TMEM120B: variants seen among roughly 807,000 people sequenced by gnomAD.
The protein encoded by TMEM120B is transmembrane protein 120B.
Under a neutral mutation model 55.5 loss-of-function variants are expected in TMEM120B, and 31 were observed. That is an observed-to-expected ratio of 0.56 (90% CI 0.42 to 0.75). The LOEUF is 0.75. Ranked by LOEUF, TMEM120B falls within the 30% of genes least tolerant of loss-of-function variation. The pLI is 0.00. For missense variants in TMEM120B, 399 were observed against 425.5 expected, an observed-to-expected ratio of 0.94 and a Z score of 0.55; for synonymous variants, 203 against 176.3, an observed-to-expected ratio of 1.15 and a Z score of -1.20.
intron 5 of TMEM120B, among the ~76,000 whole-genome samples, chr12:121,757,083 C>T (rs1352488652): frequency 1.3e-5 from 2 of 151,196 alleles, no homozygotes; most frequent in African/African-American, 4.9e-5. Context: ...CAGAGGTCAA[C>T]ATGACTTGAA....
rs1180954284 is a variant in TMEM120B at position 121,776,037 on chromosome 12, C to A, written c.*315C>A. The A allele has an allele frequency of 1.7e-6, 1 of 582,102 alleles. No homozygotes were observed. Among genetic ancestry groups the A allele is most frequent in the East Asian group, 2.9e-5 (1 of 34,966 alleles). 36.1% of individuals were successfully genotyped at this position (582,102 alleles called of 1,614,324 possible). A position where few individuals can be genotyped will look rare whatever the true frequency, so the allele number is the denominator to read the frequency against. ...TGAAGCCTCAGGGAGCCCCTCTGTTCCCACTCCTGTCATTTGAACCCCTCT... is the reference window on the plus strand; with the variant it reads ...TGAAGCCTCAGGGAGCCCCTCTGTTACCACTCCTGTCATTTGAACCCCTCT... On this transcript the variant is annotated 3_prime_UTR_variant, in exon 12 of 12. Coordinates refer to ENST00000449592, the MANE Select transcript of TMEM120B (RefSeq NM_001080825.2).
Position 121,780,597 on chromosome 12 carries a change from C to T in TMEM120B, c.*4875C>T. On this transcript the variant is annotated 3_prime_UTR_variant, in exon 12 of 12. Transcript: ENST00000449592. ...GCTCCACTTCTCGCTAGCTGTGTGG[C>T]CCTGGGCAAGCTGCTTAACCTCTCT... 1.9e-6 allele frequency: 1 copy of T among 539,250 alleles called. No individual in the cohort carries two copies. Among genetic ancestry groups the T allele is most frequent in the Admixed American group, 3.7e-5 (1 of 27,324 alleles). 33.4% of individuals were successfully genotyped at this position (539,250 alleles called of 1,614,324 possible).
Position 121,780,723 on chromosome 12 carries a change from G to A in TMEM120B, c.*5001G>A. On this transcript the variant is annotated 3_prime_UTR_variant, in exon 12 of 12. Transcript: ENST00000449592. ...TCGTGTAAAGTGCTCAGGTCCACAG[G>A]CCATCAATACTAATAGTTAAAAATT... The A allele has an allele frequency of 1.1e-6, 1 of 889,204 alleles. No homozygotes were observed. The highest frequency in any genetic ancestry group is 2.7e-5 in the East Asian group (1 of 37,516). The allele number at this position is 889,204 out of a possible 1,614,324, so 55.1% of individuals were successfully genotyped here. A position where few individuals can be genotyped will look rare whatever the true frequency, so the allele number is the denominator to read the frequency against.
At chr12:121,771,632 T>C (rs1874056552) in intron 8 of TMEM120B, 83 bp downstream of exon 8, 10 of 1,373,302 alleles carry the variant, frequency 7.3e-6, no homozygotes, top group Non-Finnish European at 1.0e-5. Flanking sequence ...CTGACATCAA[T>C]CAGTGCTTGC....
intron 2 of TMEM120B, 69 bp from the exon 3 acceptor site, chr12:121,748,257 C>T (rs1394995333): frequency 8.1e-7 from 1 of 1,229,278 alleles, no homozygotes; most frequent in African/African-American, 1.5e-5. Flanking sequence ...AGGCTGGGGC[C>T]CGGGGAGTCC....
At chr12:121,759,095 C>T in intron 5 of TMEM120B, 1 of 907,752 alleles carries the variant, frequency 1.1e-6, no homozygotes, top group Non-Finnish European at 1.3e-6. Context: ...CTGCAGACAA[C>T]CTAAAATAGA....
At chr12:121,748,978 C>T (rs1352474505) in intron 3 of TMEM120B, among the ~76,000 whole-genome samples, 1 of 152,178 alleles carries the variant, frequency 6.6e-6, no homozygotes, top group Non-Finnish European at 1.5e-5. Flanking sequence ...TAAGTGATGT[C>T]ATTGCCACCT....
chr12:121,761,087 T>A (rs1211056514), intron 5 of TMEM120B, among the ~76,000 whole-genome samples: 1 of 152,062 alleles, frequency 6.6e-6, no homozygotes, highest in African/African-American at 2.4e-5. Flanking sequence ...CAAGCAATTC[T>A]CCTACCTCAG....
At chr12:121,755,222 T>A (rs1592940614) in intron 5 of TMEM120B, among the ~76,000 whole-genome samples, 1 of 152,336 alleles carries the variant, frequency 6.6e-6, no homozygotes, top group South Asian at 2.1e-4. Context: ...TTGGTACCAC[T>A]AAGCCTGCAG....
chr12:121,769,628 G>C (rs1197389310), intron 6 of TMEM120B, among the ~76,000 whole-genome samples: 1 of 152,160 alleles, frequency 6.6e-6, no homozygotes, highest in Non-Finnish European at 1.5e-5. Flanking sequence ...TGCTTGACCT[G>C]GGAGGTCAGG....
At chr12:121,717,899 G>T (rs1435927397) in intron 1 of TMEM120B, among the ~76,000 whole-genome samples, 1 of 151,984 alleles carries the variant, frequency 6.6e-6, no homozygotes, top group Non-Finnish European at 1.5e-5. Flanking sequence ...CTTGTGATCC[G>T]CCTGCCTCAG....
Position 121,779,475 on chromosome 12 carries a change from T to G in TMEM120B, c.*3753T>G, listed in dbSNP as rs972728309. The G allele has an allele frequency of 6.2e-7, 1 of 1,608,078 alleles. No homozygotes were observed. Among genetic ancestry groups the G allele is most frequent in the Non-Finnish European group, 8.5e-7 (1 of 1,179,338 alleles). On this transcript the variant is annotated 3_prime_UTR_variant, in exon 12 of 12. Coordinates refer to ENST00000449592, the MANE Select transcript of TMEM120B (RefSeq NM_001080825.2). Reference sequence around the variant, plus strand: ...GGGCCCCCGGGCCCTGTCAGTGCTGTCGTGAGGTCTGTCTGCCCTGGGTCA... The same window carrying G: ...GGGCCCCCGGGCCCTGTCAGTGCTGGCGTGAGGTCTGTCTGCCCTGGGTCA...
At chr12:121,718,554 A>T (rs1894742698) in intron 1 of TMEM120B, among the ~76,000 whole-genome samples, 1 of 152,072 alleles carries the variant, frequency 6.6e-6, no homozygotes, top group African/African-American at 2.4e-5. Context: ...TGTTTTTTAG[A>T]TGAGGAGATT....
intron 5 of TMEM120B, among the ~76,000 whole-genome samples, chr12:121,753,718 GAGAAAA>G (rs1219460135): frequency 6.6e-6 from 1 of 151,432 alleles, no homozygotes; most frequent in African/African-American, 2.4e-5. Context: ...AAAAAAAAAA[GAGAAAA>G]AGAGAAAAGA....
intron 1 of TMEM120B, among the ~76,000 whole-genome samples, chr12:121,715,222 A>C (rs1368707402): frequency 6.6e-6 from 1 of 152,030 alleles, no homozygotes; most frequent in Non-Finnish European, 1.5e-5. Flanking sequence ...ATAATCCCAG[A>C]TCCTCGAGTG....
intron 6 of TMEM120B, among the ~76,000 whole-genome samples, chr12:121,762,062 G>A (rs138781129): frequency 4.4e-4 from 67 of 152,258 alleles, no homozygotes; most frequent in African/African-American, 1.4e-3. Flanking sequence ...GGAGGCCGAG[G>A]GGGGCAGATC....
At chr12:121,715,485 G>A (rs1250504307) in intron 1 of TMEM120B, among the ~76,000 whole-genome samples, 1 of 152,228 alleles carries the variant, frequency 6.6e-6, no homozygotes, top group African/African-American at 2.4e-5. Flanking sequence ...GCTGAGGTAT[G>A]TTAGGGACAA....
chr12:121,775,396 C>A lies in TMEM120B; in HGVS notation c.907-213C>A, dbSNP rs1044133325. On this transcript the variant is annotated intron_variant, in intron 11 of 11. Transcript: ENST00000449592. The surrounding 1 kb of genome is among the most constrained non-coding windows in gnomAD (Gnocchi z 4.3). ...GTGGAGCCTCTCCCAATCTGTGGAT[C>A]CCAAGGAGGTTCGCCCCATCGAGCC... 3.1e-6 allele frequency: 3 copies of A among 979,112 alleles called. No individual in the cohort carries two copies. Among genetic ancestry groups the A allele is most frequent in the Non-Finnish European group, 3.6e-6 (3 of 824,316 alleles). 60.7% of individuals were successfully genotyped at this position (979,112 alleles called of 1,614,324 possible).
At chr12:121,766,753 A>G (rs1457083090) in intron 6 of TMEM120B, among the ~76,000 whole-genome samples, 2 of 152,170 alleles carry the variant, frequency 1.3e-5, no homozygotes, top group Non-Finnish European at 2.9e-5. Flanking sequence ...AGGCCACCCA[A>G]TGAGGATGGG....
Sources: gnomAD v4.1 joint callset for allele counts (sites outside exome capture counted in the v4.1 genomes callset) on GRCh38, gnomAD v4.1.1 for gene constraint, Gnocchi (gnomAD v3.1) non-coding constraint, MANE v1.5 for transcripts, NCBI Gene and HGNC (gene_info 2026-07-23, HGNC 2026-07-21) for gene names.